Variants in SDR16C5 observed in about 807,000 individuals in gnomAD.
SDR16C5 encodes the protein short chain dehydrogenase/reductase family 16C member 5.
A neutral mutation model predicts 27.7 loss-of-function variants in SDR16C5; 20 were observed. That is an observed-to-expected ratio of 0.72 (90% CI 0.51 to 1.05). The LOEUF (loss-of-function observed/expected upper bound fraction) is 1.05. Among genes scored for constraint, SDR16C5 ranks in the 50% least tolerant of loss-of-function variants. The pLI, the probability that SDR16C5 is intolerant of heterozygous loss-of-function variation, is 0.00. For synonymous variants in SDR16C5, 139 were observed against 132.3 expected, an observed-to-expected ratio of 1.05 and a Z score of -0.35; for missense variants, 374 against 366.3, an observed-to-expected ratio of 1.02 and a Z score of -0.17.
chr8:56,301,544 A>G lies in SDR16C5; in HGVS notation c.866T>C (p.Ile289Thr). The change falls in exon 7 of 7, where the codon ATA becomes ACA. Residue 289 changes from isoleucine to threonine, a missense_variant. Coordinates refer to ENST00000303749, the MANE Select transcript of SDR16C5 (RefSeq NM_138969.4). ...SFLPLKTGLL[I>T]ADYLGILHAM... ...ATGAAGGATGCCCAAATAGTCAGCT[A>G]TAAGCAGTCCTGTCTTGAGGGGCAA... 6.2e-7 allele frequency: 1 copy of G among 1,614,186 alleles called. No individual in the cohort carries two copies. Among genetic ancestry groups the G allele is most frequent in the Non-Finnish European group, 8.5e-7 (1 of 1,179,992 alleles).
At chr8:56,313,696 A>AT (rs1265360752) in intron 2 of SDR16C5, among the ~76,000 whole-genome samples, 40 of 152,292 alleles carry the variant, frequency 2.6e-4, no homozygotes, top group Admixed American at 2.6e-3. Flanking sequence ...GACTGTATAT[A>AT]TTTTAAACAC....
chr8:56,306,554 C>T, intron 5 of SDR16C5, 122 bp downstream of exon 5: 1 of 927,500 alleles, frequency 1.1e-6, no homozygotes, highest in Non-Finnish European at 1.5e-6. Context: ...ATTCTAAAAC[C>T]ATTTATAAAT....
At chr8:56,318,736 G>A (rs1182047721) in intron 1 of SDR16C5, among the ~76,000 whole-genome samples, 1 of 152,076 alleles carries the variant, frequency 6.6e-6, no homozygotes, top group South Asian at 2.1e-4. Flanking sequence ...TCTCAATGTT[G>A]GCTTGATGCA....
At chr8:56,312,129 A>G in intron 3 of SDR16C5, 28 bp downstream of exon 3, 1 of 1,574,536 alleles carries the variant, frequency 6.4e-7, no homozygotes, top group Non-Finnish European at 8.7e-7. Context: ...ATAATTTTAC[A>G]TTTATGATGA....
intron 6 of SDR16C5, among the ~76,000 whole-genome samples, chr8:56,302,397 G>A (rs911576078): frequency 2.0e-5 from 3 of 152,094 alleles, no homozygotes; most frequent in Non-Finnish European, 2.9e-5. Context: ...CTCACCGGCC[G>A]GGCGCAGTGG....
chr8:56,318,050 G>C (rs922710917), intron 1 of SDR16C5, among the ~76,000 whole-genome samples: 2 of 152,196 alleles, frequency 1.3e-5, no homozygotes, highest in African/African-American at 4.8e-5. Context: ...GATTGGGCTT[G>C]GGAGAGGAAG....
chr8:56,318,836 C>T (rs769835401), intron 1 of SDR16C5, among the ~76,000 whole-genome samples: 1 of 152,080 alleles, frequency 6.6e-6, no homozygotes, highest in African/African-American at 2.4e-5. Context: ...CCTCCCTTCC[C>T]CAGTTGAAGT....
chr8:56,319,671 T>C lies in SDR16C5; in HGVS notation c.-15+388A>G, dbSNP rs549481749. ...ACAGCTTGGGTTGAAAGGGGTGATA[T>C]GGGGGTTGATATCCACCCGGAAGGT... On this transcript the variant is annotated intron_variant, in intron 1 of 6. Coordinates refer to ENST00000303749, the MANE Select transcript of SDR16C5 (RefSeq NM_138969.4). Among the ~76,000 whole-genome samples, 6 of 152,096 alleles carry C rather than the reference T, an allele frequency of 3.9e-5. No homozygotes were observed. The South Asian group carries it at 1.2e-3, about 32-fold the overall frequency.
In SDR16C5 at chr8:56,312,189, A is replaced by T; in HGVS notation, c.433T>A (p.Ser145Thr). The T allele has an allele frequency of 6.2e-7, 1 of 1,613,016 alleles. No individual in the cohort carries two copies. The highest frequency in any genetic ancestry group is 8.5e-7 in the Non-Finnish European group (1 of 1,178,984). Residue 145 changes from serine (S) to threonine (T), a missense_variant, in exon 3 of 7, where the codon TCA becomes ACA. Transcript: ENST00000303749. ...TGTGCTTTGAAATTCACATCAAATG[A>T]CTTTTCCATAAGCTCATCTGGACAG... ...LDCPDELMEKSFDVNFKAHLW... is the reference protein window; with the variant it reads ...LDCPDELMEKTFDVNFKAHLW...
intron 6 of SDR16C5, among the ~76,000 whole-genome samples, chr8:56,301,835 T>C (rs1814764308): frequency 6.6e-6 from 1 of 152,196 alleles, no homozygotes; most frequent in South Asian, 2.1e-4. Flanking sequence ...ATCACTCCAC[T>C]GTACAATGAC....
At position 56,310,077 on chromosome 8, in the gene SDR16C5, GGAA is replaced by G. The variant is rs963699058; in HGVS notation, c.466-1053_466-1051del. 1.3e-4 allele frequency among the ~76,000 whole-genome samples: 19 copies of G among 146,912 alleles called. 1 individual carries two copies. The highest frequency in any genetic ancestry group is 2.8e-4 in the Admixed American group (4 of 14,460). ...AGGTAGAGGAGGAGTTGGAGTTGGA[GGAA>G]GAAGAAGAAGGAGGAAGAGGAGGAA... On this transcript the variant is annotated intron_variant, in intron 3 of 6. Transcript: ENST00000303749.
chr8:56,315,499 TCAGA>T (rs543143330), intron 2 of SDR16C5, among the ~76,000 whole-genome samples: 37 of 152,278 alleles, frequency 2.4e-4, no homozygotes, highest in African/African-American at 6.3e-4. Flanking sequence ...AAATTTAAAA[TCAGA>T]CAGAATATGG....
Position 56,305,732 on chromosome 8 carries a change from A to T in SDR16C5, c.711-10T>A. ...CAACAGAGAAGGACAGCTAGGATATAAAATGACAACAATTAAAAAAAACCC... is the reference window on the plus strand; with the variant it reads ...CAACAGAGAAGGACAGCTAGGATATTAAATGACAACAATTAAAAAAAACCC... On this transcript the variant is annotated splice_polypyrimidine_tract_variant and intron_variant, in intron 5 of 6. Transcript: ENST00000303749. The T allele has an allele frequency of 6.4e-7, 1 of 1,571,498 alleles. No homozygotes were observed. The highest frequency in any genetic ancestry group is 8.6e-7 in the Non-Finnish European group (1 of 1,168,326).
chr8:56,302,595 C>T (rs1220935919), intron 6 of SDR16C5, among the ~76,000 whole-genome samples: 1 of 151,650 alleles, frequency 6.6e-6, no homozygotes, highest in Non-Finnish European at 1.5e-5. Flanking sequence ...ATCACTTGAA[C>T]CCGGGAGGTG....
At chr8:56,306,561 A>G (rs952853701) in intron 5 of SDR16C5, 115 bp downstream of exon 5, 19 of 976,968 alleles carry the variant, frequency 1.9e-5, no homozygotes, top group African/African-American at 5.0e-5. Context: ...AACCATTTAT[A>G]AATCATACTG....
intron 1 of SDR16C5, among the ~76,000 whole-genome samples, chr8:56,318,287 T>C (rs1012333916): frequency 1.3e-5 from 2 of 152,212 alleles, no homozygotes; most frequent in Non-Finnish European, 2.9e-5. Context: ...TTTGATGAAA[T>C]AGACCTCAAA....
At chr8:56,313,207 C>T (rs919010359) in intron 2 of SDR16C5, among the ~76,000 whole-genome samples, 2 of 152,196 alleles carry the variant, frequency 1.3e-5, no homozygotes, top group African/African-American at 4.8e-5. Flanking sequence ...GTTCTGTGCT[C>T]TGTATGTGGC....
Position 56,312,862 on chromosome 8 carries a change from C to T in SDR16C5, c.334-574G>A, listed in dbSNP as rs530701391. Among the ~76,000 whole-genome samples the T allele has an allele frequency of 3.1e-4, 47 of 151,354 alleles. 3 individuals are homozygous for T. In the South Asian group the frequency reaches 7.7e-3, roughly 25 times the overall value. On this transcript the variant is annotated intron_variant, in intron 2 of 6. Transcript: ENST00000303749. ...CACGATCTTGGCTCACTGCAAGCTC[C>T]GCCTCCTGGGTTCCCACCATTCTCC...
chr8:56,319,365 G>A (rs1815275968), intron 1 of SDR16C5, among the ~76,000 whole-genome samples: 2 of 152,184 alleles, frequency 1.3e-5, no homozygotes, highest in Admixed American at 1.3e-4. Context: ...CACTGGTCCT[G>A]TTAAGCATAT....
Sources: allele counts gnomAD v4.1 joint callset (sites outside exome capture counted in the v4.1 genomes callset), GRCh38; gene constraint gnomAD v4.1.1; transcripts MANE v1.5; gene names NCBI Gene and HGNC (gene_info 2026-07-23, HGNC 2026-07-21).